Variants in ACO1 observed in about 807,000 individuals in gnomAD.
ACO1 encodes the protein cytoplasmic aconitate hydratase.
In ACO1, 78 loss-of-function variants were observed where a neutral mutation model predicts 105.1. The ratio of observed to expected loss-of-function variants is 0.74; its 90% CI spans 0.62 to 0.90. ACO1 has a LOEUF of 0.90. Ranked by LOEUF, ACO1 falls within the 40% of genes least tolerant of loss-of-function variation. The pLI, the probability that ACO1 is intolerant of heterozygous loss-of-function variation, is 0.00. For missense variants in ACO1, 965 were observed against 1,111.1 expected, an observed-to-expected ratio of 0.87 and a Z score of 1.87; for synonymous variants, 364 against 397.4, an observed-to-expected ratio of 0.92 and a Z score of 1.00.
At chr9:32,399,068 T>C (rs1587514897) in intron 1 of ACO1, among the ~76,000 whole-genome samples, 1 of 152,266 alleles carries the variant, frequency 6.6e-6, no homozygotes, top group East Asian at 1.9e-4. Context: ...CACCCAAGCA[T>C]GGGGTCAAAT....
At chr9:32,431,909 G>A in intron 15 of ACO1, 66 bp downstream of exon 15, 1 of 1,584,832 alleles carries the variant, frequency 6.3e-7, no homozygotes, top group Non-Finnish European at 8.6e-7. Context: ...TTTGTGTCCT[G>A]TCTGCAGACC....
intron 3 of ACO1, 144 bp downstream of exon 3, chr9:32,407,573 C>A (rs1036629620): frequency 3.0e-5 from 24 of 794,460 alleles, no homozygotes; most frequent in Admixed American, 1.3e-4. Context: ...CATATCCAGA[C>A]ACTTTTGAAA....
In ACO1 at chr9:32,453,294, G is replaced by C. The variant is rs1822808450; in HGVS notation, c.*3183G>C. 1 of 151,506 alleles carries C rather than the reference G, an allele frequency of 6.6e-6. No homozygotes were observed. The highest frequency in any genetic ancestry group is 1.5e-5 in the Non-Finnish European group (1 of 67,976). 9.4% of individuals were successfully genotyped at this position (151,506 alleles called of 1,614,324 possible). On this transcript the variant is annotated 3_prime_UTR_variant, in exon 21 of 21. Transcript: ENST00000309951. ...TTTATGGTACATAGGGAGTAATCTA[G>C]GGAAAAGATATATTAGGCATGAATC...
chr9:32,394,662 C>G (rs1035625447), intron 1 of ACO1, among the ~76,000 whole-genome samples: 2 of 152,226 alleles, frequency 1.3e-5, no homozygotes, highest in African/African-American at 2.4e-5. Flanking sequence ...AGTTCCCTCT[C>G]TCAGCACGCC....
intron 1 of ACO1, among the ~76,000 whole-genome samples, chr9:32,392,453 G>A (rs886663858): frequency 6.6e-6 from 1 of 152,220 alleles, no homozygotes. Flanking sequence ...CATGTCTCCA[G>A]GCTGCTGAGC....
chr9:32,425,898 TATG>T lies in ACO1; in HGVS notation c.1252_1254del (p.Asp418del). On this transcript the variant is annotated inframe_deletion, in exon 11 of 21. Coordinates refer to ENST00000309951, the MANE Select transcript of ACO1 (RefSeq NM_002197.3). ...TCATAATGACCATAAGACCTTTATCTATGATAACACTGAATTCACCCTTGCTCA... is the reference window on the plus strand; with the variant it reads ...TCATAATGACCATAAGACCTTTATCTATAACACTGAATTCACCCTTGCTCA... 7 of 1,614,024 alleles carry T rather than the reference TATG, an allele frequency of 4.3e-6. No homozygotes were observed. The highest frequency in any genetic ancestry group is 5.9e-6 in the Non-Finnish European group (7 of 1,179,888).
Position 32,449,995 on chromosome 9 carries a change from C to T in ACO1, c.2557-3C>T. 1 of 1,612,604 alleles carries T rather than the reference C, an allele frequency of 6.2e-7. No homozygotes were observed. The highest frequency in any genetic ancestry group is 8.5e-7 in the Non-Finnish European group (1 of 1,178,790). ...ATGATGCTTCTGTTTCTTTGTGCCA[C>T]AGCTGGATACTGGCAAGACCTTCCA... On this transcript the variant is annotated splice_polypyrimidine_tract_variant and splice_region_variant and intron_variant, in intron 20 of 20. Coordinates refer to ENST00000309951, the MANE Select transcript of ACO1 (RefSeq NM_002197.3).
intron 17 of ACO1, among the ~76,000 whole-genome samples, chr9:32,434,946 A>G (rs1055146136): frequency 3.3e-5 from 5 of 152,176 alleles, no homozygotes; most frequent in African/African-American, 1.2e-4. Context: ...GAGCAAGTGT[A>G]TATATTAGGC....
intron 8 of ACO1, 54 bp downstream of exon 8, chr9:32,421,081 C>T: frequency 6.4e-7 from 1 of 1,573,432 alleles, no homozygotes; most frequent in South Asian, 1.1e-5. Flanking sequence ...CCATGAAACA[C>T]CAAGAATCTG....
chr9:32,440,645 A>G, intron 19 of ACO1, 58 bp downstream of exon 19: 1 of 1,582,486 alleles, frequency 6.3e-7, no homozygotes. Context: ...GAGGGTCCCC[A>G]GGCACAAATC....
chr9:32,406,382 G>A (rs1314418080), intron 2 of ACO1, among the ~76,000 whole-genome samples: 1 of 152,204 alleles, frequency 6.6e-6, no homozygotes, highest in Non-Finnish European at 1.5e-5. Context: ...TGCACTTCGG[G>A]AGGCCAAAGC....
chr9:32,404,691 T>G (rs556995372), intron 1 of ACO1, among the ~76,000 whole-genome samples: 1 of 152,300 alleles, frequency 6.6e-6, no homozygotes, highest in East Asian at 1.9e-4. Flanking sequence ...GGAGGCATTT[T>G]GATTGTGACT....
intron 1 of ACO1, among the ~76,000 whole-genome samples, chr9:32,400,412 G>A (rs1448315880): frequency 6.6e-6 from 1 of 152,160 alleles, no homozygotes; most frequent in African/African-American, 2.4e-5. Flanking sequence ...GGATTAGTGT[G>A]TTTGACTTGA....
chr9:32,450,188 C>T lies in ACO1; in HGVS notation c.*77C>T, dbSNP rs543123930. 6 of 1,170,362 alleles carry T rather than the reference C, an allele frequency of 5.1e-6. No individual in the cohort carries two copies. The highest frequency in any genetic ancestry group is 6.4e-6 in the Non-Finnish European group (5 of 779,492). The allele number at this position is 1,170,362 out of a possible 1,614,324, so 72.5% of individuals were successfully genotyped here. A position where few individuals can be genotyped will look rare whatever the true frequency, so the allele number is the denominator to read the frequency against. On this transcript the variant is annotated 3_prime_UTR_variant, in exon 21 of 21. Coordinates refer to ENST00000309951, the MANE Select transcript of ACO1 (RefSeq NM_002197.3). The stretch of plus-strand genomic sequence containing the variant: ...CGCAGGCCCTGGTGGAGAGGCCTCC[C>T]TGGCTGCCTCTGGGAGGGGTGCTGC...
chr9:32,393,686 T>G (rs1308468677), intron 1 of ACO1, among the ~76,000 whole-genome samples: 1 of 152,198 alleles, frequency 6.6e-6, no homozygotes, highest in African/African-American at 2.4e-5. Context: ...CCTGCCGACA[T>G]GTGATGTCTC....
intron 18 of ACO1, 121 bp from the exon 19 acceptor site, chr9:32,440,344 A>G: frequency 1.0e-6 from 1 of 982,876 alleles, no homozygotes; most frequent in Admixed American, 2.3e-5. Context: ...TGTAGACAAG[A>G]TGATTGGACG....
Position 32,418,387 on chromosome 9 carries a change from C to T in ACO1, c.534C>T (p.His178=). Residue 178 remains histidine (H), a synonymous_variant, in exon 6 of 21, where the codon CAC becomes CAT. Transcript: ENST00000309951. ...RIIPPGSGII[H]QVNLEYLARV... The stretch of plus-strand genomic sequence containing the variant: ...TTCCCCCTGGCTCAGGAATCATCCA[C>T]CAGGTGAATTTGGAATATTTGGCAA... 3 of 1,614,130 alleles carry T rather than the reference C, an allele frequency of 1.9e-6. No individual in the cohort carries two copies. The highest frequency in any genetic ancestry group is 2.5e-6 in the Non-Finnish European group (3 of 1,180,026).
At position 32,454,231 on chromosome 9, in the gene ACO1, A is replaced by G. The variant is rs1455632695; in HGVS notation, c.*4120A>G. The G allele has an allele frequency of 6.6e-6, 1 of 152,270 alleles. No homozygotes were observed. Among genetic ancestry groups the G allele is most frequent in the Non-Finnish European group, 1.5e-5 (1 of 68,074 alleles). 9.4% of individuals were successfully genotyped at this position (152,270 alleles called of 1,614,324 possible). A position where few individuals can be genotyped will look rare whatever the true frequency, so the allele number is the denominator to read the frequency against. ...TGCAGGGAAGGTGGCAGCAAATGGC[A>G]CAGAAACCCACCTGACCACAGACTG... On this transcript the variant is annotated 3_prime_UTR_variant, in exon 21 of 21. Coordinates refer to ENST00000309951, the MANE Select transcript of ACO1 (RefSeq NM_002197.3).
At chr9:32,401,193 T>TAAC (rs1052535208) in intron 1 of ACO1, among the ~76,000 whole-genome samples, 21 of 152,194 alleles carry the variant, frequency 1.4e-4, no homozygotes, top group African/African-American at 4.3e-4. Flanking sequence ...TTCCAAAGTT[T>TAAC]AGCTGTCAGT....
Sources: gnomAD v4.1 joint callset for allele counts (sites outside exome capture counted in the v4.1 genomes callset) on GRCh38, gnomAD v4.1.1 for gene constraint, MANE v1.5 for transcripts, NCBI Gene and HGNC (gene_info 2026-07-23, HGNC 2026-07-21) for gene names.